The following AR variants were observed in gnomAD, a reference collection of about 807,000 sequenced individuals.
AR encodes the protein dihydrotestosterone receptor.
A neutral mutation model predicts 53.9 loss-of-function variants in AR; 8 were observed. The observed-to-expected ratio is 0.15, with a 90% CI of 0.09 to 0.27. The LOEUF (loss-of-function observed/expected upper bound fraction) is 0.27. Ranked by LOEUF, AR falls within the 10% of genes least tolerant of loss-of-function variation. AR has a pLI of 1.00. For synonymous variants in AR, 359 were observed against 316.4 expected, an observed-to-expected ratio of 1.13 and a Z score of -1.43; for missense variants, 639 against 742.5, an observed-to-expected ratio of 0.86 and a Z score of 1.62.
At chrX:67,628,404 G>C (rs1314086470) in intron 1 of AR, among the ~76,000 whole-genome samples, 1 of 102,747 alleles carries the variant, frequency 9.7e-6, no homozygotes, top group Non-Finnish European at 2.0e-5. Flanking sequence ...AAGCAATTGT[G>C]AATGGGAGTT....
At chrX:67,723,332 G>GTGTGTA (rs2076144318) in intron 7 of AR, among the ~76,000 whole-genome samples, 1 of 101,382 alleles carries the variant, frequency 9.9e-6, no homozygotes, top group African/African-American at 3.9e-5. Flanking sequence ...GTGTGTGTGT[G>GTGTGTA]TGTGTGTGTG....
At chrX:67,693,732 G>A (rs1602260540) in intron 3 of AR, among the ~76,000 whole-genome samples, 3 of 111,811 alleles carry the variant, frequency 2.7e-5, no homozygotes, top group African/African-American at 9.8e-5. Context: ...TATCTAGGAA[G>A]TAAACAGGAA....
chrX:67,635,244 T>C (rs191429302), intron 1 of AR, among the ~76,000 whole-genome samples: 205 of 111,559 alleles, frequency 1.8e-3, no homozygotes, highest in African/African-American at 6.2e-3. Context: ...AATGTAATTG[T>C]AATTCTCACA....
chrX:67,644,405 C>T (rs1272407218), intron 2 of AR, among the ~76,000 whole-genome samples: 1 of 112,153 alleles, frequency 8.9e-6, no homozygotes. Context: ...AGGCCTTTCT[C>T]TTTCCTCTCA....
At chrX:67,722,460 C>T (rs929215851) in intron 6 of AR, among the ~76,000 whole-genome samples, 5 of 111,920 alleles carry the variant, frequency 4.5e-5, no homozygotes, top group Non-Finnish European at 5.6e-5. Flanking sequence ...TTAGCCCCTA[C>T]GGAGGGAGAA....
chrX:67,593,624 A>G (rs901480622), intron 1 of AR, among the ~76,000 whole-genome samples: 1 of 112,087 alleles, frequency 8.9e-6, no homozygotes, highest in African/African-American at 3.2e-5. Flanking sequence ...TGCTGGGATT[A>G]CAGGCGTGTG....
intron 2 of AR, among the ~76,000 whole-genome samples, chrX:67,667,977 C>A (rs888115803): frequency 9.0e-6 from 1 of 111,462 alleles, no homozygotes; most frequent in Non-Finnish European, 1.9e-5. Context: ...AGACTTTAGG[C>A]TTTTCCAAAT....
intron 2 of AR, among the ~76,000 whole-genome samples, chrX:67,678,323 T>A (rs934901454): frequency 1.8e-5 from 2 of 112,000 alleles, no homozygotes; most frequent in African/African-American, 6.5e-5. Flanking sequence ...TTCTTAAAAA[T>A]AGTTTACTAT....
chrX:67,650,115 G>A (rs755044680), intron 2 of AR, among the ~76,000 whole-genome samples: 2 of 111,811 alleles, frequency 1.8e-5, no homozygotes, highest in African/African-American at 6.5e-5. Context: ...AATCAATATC[G>A]TGAAAATTGC....
At chrX:67,710,418 T>C (rs1357149584) in intron 3 of AR, among the ~76,000 whole-genome samples, 2 of 111,379 alleles carry the variant, frequency 1.8e-5, no homozygotes, top group Non-Finnish European at 3.8e-5. Context: ...ACCCCTGGGC[T>C]CAAGGAATCC....
At chrX:67,686,311 T>G (rs1441900686) in intron 3 of AR, among the ~76,000 whole-genome samples, 185 bp downstream of exon 3, 1 of 111,332 alleles carries the variant, frequency 9.0e-6, no homozygotes, top group Non-Finnish European at 1.9e-5. Context: ...TTTTTAATCC[T>G]TATCTATACC....
At chrX:67,692,481 T>C (rs1327564201) in intron 3 of AR, among the ~76,000 whole-genome samples, 1 of 111,900 alleles carries the variant, frequency 8.9e-6, no homozygotes, top group East Asian at 2.8e-4. Context: ...GATTTTTTTG[T>C]TTGGTTGGTT....
At chrX:67,576,201 C>A (rs965208214) in intron 1 of AR, among the ~76,000 whole-genome samples, 3 of 110,808 alleles carry the variant, frequency 2.7e-5, no homozygotes, top group African/African-American at 9.8e-5. Context: ...GAAGTCCTCA[C>A]GGAGAGCTGG....
At chrX:67,568,204 G>A (rs35774629) in intron 1 of AR, among the ~76,000 whole-genome samples, 1,772 of 111,756 alleles carry the variant, frequency 0.016, 14 homozygotes, top group African/African-American at 0.038. Flanking sequence ...TTGGTGAAAA[G>A]CATTACTCTT....
intron 3 of AR, among the ~76,000 whole-genome samples, chrX:67,703,357 A>G (rs1811514097): frequency 8.9e-6 from 1 of 112,313 alleles, no homozygotes; most frequent in Non-Finnish European, 1.9e-5. Flanking sequence ...AAAATAGTAC[A>G]AAGTAAGCAT....
Position 67,545,052 on chromosome X carries a change from G to T in AR, c.-95G>T, listed in dbSNP as rs1260362459. On this transcript the variant is annotated 5_prime_UTR_variant, in exon 1 of 8. Coordinates refer to ENST00000374690, the MANE Select transcript of AR (RefSeq NM_000044.6). Reference sequence around the variant, plus strand: ...CCGCAGGTGGGCAGCTAGCTGCAGCGACTACCGCATCATCACAGCCTGTTG... The same window carrying T: ...CCGCAGGTGGGCAGCTAGCTGCAGCTACTACCGCATCATCACAGCCTGTTG... 4.6e-6 allele frequency: 5 copies of T among 1,081,039 alleles called. No individual in the cohort carries two copies. Among genetic ancestry groups the T allele is most frequent in the Non-Finnish European group, 6.1e-6 (5 of 824,671 alleles). 89.1% of individuals were successfully genotyped at this position (1,081,039 alleles called of 1,213,427 possible).
chrX:67,672,835 CA>C (rs2075874300), intron 2 of AR, among the ~76,000 whole-genome samples: 1 of 111,382 alleles, frequency 9.0e-6, no homozygotes, highest in South Asian at 3.7e-4. Flanking sequence ...TGTGTACTTT[CA>C]ATTACCCATG....
At chrX:67,686,227 A>G in intron 3 of AR, 101 bp downstream of exon 3, 3 of 911,755 alleles carry the variant, frequency 3.3e-6, no homozygotes, top group Non-Finnish European at 4.6e-6. Flanking sequence ...GATGCTTCCA[A>G]GGGGACCAGC....
intron 2 of AR, among the ~76,000 whole-genome samples, chrX:67,655,488 A>G: frequency 9.0e-6 from 1 of 111,211 alleles, no homozygotes; most frequent in Middle Eastern, 4.7e-3. Context: ...AGTTCAAATT[A>G]TTGTTCCATG....
Sources: gnomAD v4.1 joint callset for allele counts (sites outside exome capture counted in the v4.1 genomes callset) on GRCh38, gnomAD v4.1.1 for gene constraint, MANE v1.5 for transcripts, NCBI Gene and HGNC (gene_info 2026-07-23, HGNC 2026-07-21) for gene names.